The following SLC24A3 variants were observed in gnomAD, a reference collection of about 807,000 sequenced individuals.
SLC24A3 encodes the protein sodium/potassium/calcium exchanger 3.
A neutral mutation model predicts 75.8 loss-of-function variants in SLC24A3; 28 were observed. That is an observed-to-expected ratio of 0.37 (90% confidence interval 0.27 to 0.51). The LOEUF is 0.51. SLC24A3 is among the 20% of genes least tolerant of loss of function. The pLI, the probability that SLC24A3 is intolerant of heterozygous loss-of-function variation, is 0.94. For synonymous variants in SLC24A3, 372 were observed against 334.1 expected (o/e 1.11, Z -1.24); for missense variants, 663 against 847.8 (o/e 0.78, Z 2.71).
intron 15 of SLC24A3, among the ~76,000 whole-genome samples, chr20:19,708,092 G>T (rs1314602846): frequency 1.3e-5 from 2 of 152,082 alleles, no homozygotes; most frequent in African/African-American, 4.8e-5. Flanking sequence ...TCAGAAGAAA[G>T]GGGGCCACAC....
At chr20:19,374,206 T>G (rs1348270481) in intron 2 of SLC24A3, among the ~76,000 whole-genome samples, 1 of 152,166 alleles carries the variant, frequency 6.6e-6, no homozygotes, top group Non-Finnish European at 1.5e-5. Flanking sequence ...TTCCTCTGCT[T>G]ACCTGACCCT....
chr20:19,503,503 G>A (rs1214671936), intron 2 of SLC24A3, among the ~76,000 whole-genome samples: 2 of 152,152 alleles, frequency 1.3e-5, no homozygotes, highest in Non-Finnish European at 2.9e-5. Flanking sequence ...AGAGTTTCAG[G>A]AGTAATTTGC....
Position 19,562,022 on chromosome 20 carries a change from CT to C in SLC24A3, c.349-17973del, listed in dbSNP as rs1369636113. ...CTCAAAGCTACCACTGTAGTCCAGT[CT>C]TTTTATAACCTCAAGGAAATTTATT... On this transcript the variant is annotated intron_variant, in intron 3 of 16. Coordinates refer to ENST00000328041, the MANE Select transcript of SLC24A3 (RefSeq NM_020689.4). Among the ~76,000 whole-genome samples, 11 of 152,234 alleles carry C rather than the reference CT, an allele frequency of 7.2e-5. No individual in the cohort carries two copies. In the South Asian group the frequency reaches 1.5e-3, roughly 20 times the overall value.
At chr20:19,329,585 A>C (rs955219117) in intron 2 of SLC24A3, among the ~76,000 whole-genome samples, 7 of 152,250 alleles carry the variant, frequency 4.6e-5, no homozygotes, top group Non-Finnish European at 1.0e-4. Context: ...TTATTCTATC[A>C]TGAAGCTATG....
intron 2 of SLC24A3, among the ~76,000 whole-genome samples, chr20:19,368,693 A>G (rs968511293): frequency 1.3e-5 from 2 of 152,226 alleles, no homozygotes; most frequent in East Asian, 1.9e-4. Flanking sequence ...ATTGGCCCCA[A>G]TACCCAGCAG....
At chr20:19,639,973 C>T (rs958076452) in intron 6 of SLC24A3, among the ~76,000 whole-genome samples, 1 of 152,268 alleles carries the variant, frequency 6.6e-6, no homozygotes, top group Non-Finnish European at 1.5e-5. Flanking sequence ...TCCAGCTGGC[C>T]CGCAAGCGCG....
intron 1 of SLC24A3, among the ~76,000 whole-genome samples, chr20:19,255,822 G>A (rs1982798038): frequency 6.6e-6 from 1 of 152,196 alleles, no homozygotes; most frequent in East Asian, 1.9e-4. Context: ...TCGGTCAAGT[G>A]CAGTGGTTCA....
At chr20:19,539,021 T>A (rs2030450448) in intron 3 of SLC24A3, among the ~76,000 whole-genome samples, 1 of 152,188 alleles carries the variant, frequency 6.6e-6, no homozygotes, top group East Asian at 1.9e-4. Context: ...GGCTGTATGA[T>A]CCCACTTATA....
rs2225027 is a variant in SLC24A3 at position 19,551,565 on chromosome 20, T to A, written c.349-28435T>A. 5.3e-5 allele frequency among the ~76,000 whole-genome samples: 8 copies of A among 152,016 alleles called. No homozygotes were observed. The South Asian group carries it at 1.5e-3, about 28-fold the overall frequency. ...AGAGAAATAAATGCCTTGGTGGAGT[T>A]GCTATAACATGCCATGAGTCGCTTG... On this transcript the variant is annotated intron_variant, in intron 3 of 16. Transcript: ENST00000328041.
intron 2 of SLC24A3, among the ~76,000 whole-genome samples, chr20:19,321,550 A>G (rs921752698): frequency 1.3e-5 from 2 of 152,240 alleles, no homozygotes; most frequent in Non-Finnish European, 2.9e-5. Flanking sequence ...AGCCACTTCT[A>G]TCTCTAGACT....
chr20:19,570,233 CA>C (rs1230077039), intron 3 of SLC24A3, among the ~76,000 whole-genome samples: 1 of 152,132 alleles, frequency 6.6e-6, no homozygotes, highest in African/African-American at 2.4e-5. Flanking sequence ...CACTTTTTAA[CA>C]AGCAGATCTT....
At chr20:19,702,527 A>G (rs1295478307) in intron 15 of SLC24A3, among the ~76,000 whole-genome samples, 1 of 152,152 alleles carries the variant, frequency 6.6e-6, no homozygotes, top group Non-Finnish European at 1.5e-5. Context: ...GACATGCACA[A>G]GAGTCCTCTT....
intron 5 of SLC24A3, 141 bp downstream of exon 5, chr20:19,585,196 C>T (rs763422860): frequency 2.6e-6 from 2 of 784,116 alleles, no homozygotes; most frequent in African/African-American, 1.7e-5. Context: ...GAACATCAGC[C>T]TCCCATCTGC....
At chr20:19,483,938 A>T (rs1988093539) in intron 2 of SLC24A3, among the ~76,000 whole-genome samples, 1 of 152,216 alleles carries the variant, frequency 6.6e-6, no homozygotes, top group Admixed American at 6.5e-5. Context: ...GAAATAAAAA[A>T]ATCCAAATAG....
chr20:19,516,888 G>T (rs1254041768), intron 3 of SLC24A3, among the ~76,000 whole-genome samples: 1 of 152,202 alleles, frequency 6.6e-6, no homozygotes, highest in Non-Finnish European at 1.5e-5. Flanking sequence ...GAAGACATGG[G>T]CTTGAAGCCC....
chr20:19,646,943 G>A (rs796637945), intron 6 of SLC24A3, among the ~76,000 whole-genome samples: 44 of 152,012 alleles, frequency 2.9e-4, no homozygotes, highest in African/African-American at 9.7e-4. Context: ...TGCCCCACCC[G>A]TGGCTTTTCA....
chr20:19,410,919 C>T (rs1986733001), intron 2 of SLC24A3, among the ~76,000 whole-genome samples: 1 of 152,310 alleles, frequency 6.6e-6, no homozygotes, highest in East Asian at 1.9e-4. Context: ...TCAGTTGTGA[C>T]AGGGAGCTGT....
chr20:19,477,943 G>A (rs926328252), intron 2 of SLC24A3, among the ~76,000 whole-genome samples: 3 of 152,164 alleles, frequency 2.0e-5, no homozygotes, highest in East Asian at 3.9e-4. Flanking sequence ...AGTCTATACT[G>A]GAGGATAGGA....
At chr20:19,534,614 T>C (rs1476975242) in intron 3 of SLC24A3, among the ~76,000 whole-genome samples, 1 of 152,292 alleles carries the variant, frequency 6.6e-6, no homozygotes, top group South Asian at 2.1e-4. Context: ...GGTTTCCCCA[T>C]GTTGGTCAGG....
Sources: allele counts gnomAD v4.1 joint callset (sites outside exome capture counted in the v4.1 genomes callset), GRCh38; gene constraint gnomAD v4.1.1; transcripts MANE v1.5; gene names NCBI Gene and HGNC (gene_info 2026-07-23, HGNC 2026-07-21).